BMPER: variants seen among roughly 807,000 people sequenced by gnomAD.
BMPER encodes the protein BMP binding endothelial regulator.
Under a neutral mutation model 87.3 loss-of-function variants are expected in BMPER, and 45 were observed. The observed-to-expected ratio is 0.52, with a 90% CI of 0.41 to 0.66. The LOEUF is 0.66. BMPER is among the 30% of genes least tolerant of loss of function. The probability of loss-of-function intolerance (pLI) is 0.00; values close to 1 mark genes in which losing one functional copy is unlikely to be tolerated. For synonymous variants in BMPER, 326 were observed against 316.2 expected (o/e 1.03, Z -0.33); for missense variants, 784 against 867.5 (o/e 0.90, Z 1.21).
At position 33,974,702 on chromosome 7, in the gene BMPER, G is replaced by A. The variant is rs1785639441; in HGVS notation, c.494G>A (p.Gly165Asp). 2.5e-6 allele frequency: 4 copies of A among 1,613,972 alleles called. No individual in the cohort carries two copies. Among genetic ancestry groups the A allele is most frequent in the Non-Finnish European group, 2.5e-6 (3 of 1,179,912 alleles). The part of the protein sequence containing the change: ...HLGMCCPTCP[G>D]CVFEGVQYQE... ...TTCTAAACTCTTGTCTGCTTTCCAG[G>A]CTGTGTGTTTGAGGGTGTGCAGTAT... is the stretch of plus-strand genomic sequence containing the variant. Residue 165 changes from glycine (G) to aspartate (D), a missense_variant and splice_region_variant, in exon 6 of 15, where the codon GGC becomes GAC. By Grantham distance (94) the Gly-to-Asp change is moderately conservative. Coordinates refer to ENST00000649409, the MANE Select transcript of BMPER (RefSeq NM_001365308.1).
At chr7:33,987,439 G>A (rs963952066) in intron 6 of BMPER, among the ~76,000 whole-genome samples, 5 of 152,124 alleles carry the variant, frequency 3.3e-5, no homozygotes, top group Admixed American at 2.0e-4. Context: ...CCCTTCTCAA[G>A]CCCATCTCTG....
Position 34,141,963 on chromosome 7 carries a change from T to A in BMPER, c.1746-1267T>A, listed in dbSNP as rs192736863. Among the ~76,000 whole-genome samples the A allele has an allele frequency of 1.1e-3, 173 of 152,304 alleles. 1 individual carries two copies. The highest frequency in any genetic ancestry group is 4.0e-3 in the African/African-American group (167 of 41,568). On this transcript the variant is annotated intron_variant, in intron 13 of 14. Coordinates refer to ENST00000649409, the MANE Select transcript of BMPER (RefSeq NM_001365308.1). Reference sequence around the variant, plus strand: ...CTCTCGACAATCAGTTGTGCACAGGTCCCACACCATGGGAAAATGACATTA... The same window carrying A: ...CTCTCGACAATCAGTTGTGCACAGGACCCACACCATGGGAAAATGACATTA...
At chr7:34,021,708 C>G (rs1355278786) in intron 6 of BMPER, among the ~76,000 whole-genome samples, 1 of 152,036 alleles carries the variant, frequency 6.6e-6, no homozygotes, top group African/African-American at 2.4e-5. Context: ...GGGATAGAAA[C>G]ATAAAGGATA....
At chr7:33,927,476 C>T (rs1248742367) in intron 2 of BMPER, among the ~76,000 whole-genome samples, 1 of 152,198 alleles carries the variant, frequency 6.6e-6, no homozygotes, top group East Asian at 1.9e-4. Flanking sequence ...TTCTTCTACC[C>T]TTGACAGAGA....
chr7:34,090,662 C>CT (rs1169759212), intron 13 of BMPER, among the ~76,000 whole-genome samples: 1 of 152,164 alleles, frequency 6.6e-6, no homozygotes, highest in Non-Finnish European at 1.5e-5. Flanking sequence ...CAGCAATGGG[C>CT]TTTTTCCCTA....
chr7:33,936,348 A>G (rs1032861406), intron 2 of BMPER, among the ~76,000 whole-genome samples: 1 of 151,986 alleles, frequency 6.6e-6, no homozygotes, highest in African/African-American at 2.4e-5. Flanking sequence ...ACACATTTAT[A>G]TCTTCATCTC....
At position 34,140,826 on chromosome 7, in the gene BMPER, C is replaced by T. The variant is rs377076619; in HGVS notation, c.1746-2404C>T. On this transcript the variant is annotated intron_variant, in intron 13 of 14. Coordinates refer to ENST00000649409, the MANE Select transcript of BMPER (RefSeq NM_001365308.1). ...TTTACAGAATTACAGTAGACATTCACTCAAATCCGGGGACACATTTCCTCA... is the reference window on the plus strand; with the variant it reads ...TTTACAGAATTACAGTAGACATTCATTCAAATCCGGGGACACATTTCCTCA... Among the ~76,000 whole-genome samples, 43 of 152,334 alleles carry T rather than the reference C, an allele frequency of 2.8e-4. 1 individual carries two copies. In the East Asian group the frequency reaches 3.5e-3, roughly 12 times the overall value.
intron 13 of BMPER, among the ~76,000 whole-genome samples, chr7:34,136,224 G>T (rs1790715000): frequency 6.6e-6 from 1 of 152,168 alleles, no homozygotes; most frequent in African/African-American, 2.4e-5. Flanking sequence ...CAATAAAACA[G>T]CCTCACAGTT....
At chr7:34,049,296 G>A (rs1453335061) in intron 7 of BMPER, among the ~76,000 whole-genome samples, 2 of 152,100 alleles carry the variant, frequency 1.3e-5, no homozygotes, top group Non-Finnish European at 2.9e-5. Flanking sequence ...TGAATATCAG[G>A]CACTGCTCCA....
intron 2 of BMPER, among the ~76,000 whole-genome samples, chr7:33,924,468 C>T (rs1214503707): frequency 2.6e-5 from 4 of 152,290 alleles, no homozygotes; most frequent in Admixed American, 2.0e-4. Context: ...TCCCAAAGCA[C>T]CTTCCCCTCT....
intron 13 of BMPER, among the ~76,000 whole-genome samples, chr7:34,091,247 G>A (rs997246062): frequency 2.0e-5 from 3 of 152,200 alleles, no homozygotes; most frequent in Non-Finnish European, 4.4e-5. Context: ...CAGACTTTAT[G>A]TGTTTGTGTA....
intron 13 of BMPER, among the ~76,000 whole-genome samples, chr7:34,125,398 C>A (rs1367644437): frequency 6.6e-6 from 1 of 152,168 alleles, no homozygotes; most frequent in Admixed American, 6.6e-5. Flanking sequence ...TGATCATTCC[C>A]TTTCCTGCTG....
Position 34,092,536 on chromosome 7 carries a change from C to T in BMPER, c.1745+6444C>T, listed in dbSNP as rs551567137. Reference sequence around the variant, plus strand: ...ACCTTGGCGTCACTCAGCAATTTGCCTAATAGTCGCATCCCTTTTGCCCTG... The same window carrying T: ...ACCTTGGCGTCACTCAGCAATTTGCTTAATAGTCGCATCCCTTTTGCCCTG... On this transcript the variant is annotated intron_variant, in intron 13 of 14. Coordinates refer to ENST00000649409, the MANE Select transcript of BMPER (RefSeq NM_001365308.1). Among the ~76,000 whole-genome samples the T allele has an allele frequency of 3.9e-5, 6 of 152,308 alleles. No homozygotes were observed. The East Asian group carries it at 7.7e-4, about 20-fold the overall frequency.
chr7:34,142,234 T>C (rs2127994447), intron 13 of BMPER, among the ~76,000 whole-genome samples: 1 of 152,314 alleles, frequency 6.6e-6, no homozygotes, highest in Non-Finnish European at 1.5e-5. Context: ...TGTTGTGTAG[T>C]ATAATAAAAA....
chr7:34,079,825 C>CA (rs1216881852), intron 12 of BMPER, among the ~76,000 whole-genome samples: 3 of 152,172 alleles, frequency 2.0e-5, no homozygotes, highest in African/African-American at 7.2e-5. Flanking sequence ...GCTGTAGGCT[C>CA]ACTGGTCTCT....
intron 2 of BMPER, among the ~76,000 whole-genome samples, chr7:33,923,913 G>A (rs1784295765): frequency 6.6e-6 from 1 of 152,134 alleles, no homozygotes; most frequent in Non-Finnish European, 1.5e-5. Context: ...CATACCCTGA[G>A]CAATTTTATA....
At chr7:34,136,683 G>C (rs1442548184) in intron 13 of BMPER, among the ~76,000 whole-genome samples, 1 of 152,210 alleles carries the variant, frequency 6.6e-6, no homozygotes, top group Non-Finnish European at 1.5e-5. Flanking sequence ...TGGTTTTCTT[G>C]CTATCTTCCT....
chr7:34,139,520 G>A (rs1179364800), intron 13 of BMPER, among the ~76,000 whole-genome samples: 2 of 152,128 alleles, frequency 1.3e-5, no homozygotes, highest in African/African-American at 4.8e-5. Flanking sequence ...CTGACTCTTT[G>A]GGTTTCTATT....
intron 2 of BMPER, among the ~76,000 whole-genome samples, chr7:33,917,380 C>T (rs762647941): frequency 3.9e-5 from 6 of 151,962 alleles, no homozygotes; most frequent in African/African-American, 7.3e-5. Flanking sequence ...ATGTACATGT[C>T]GTGTAGTGTA....
Sources: gnomAD v4.1 joint callset for allele counts (sites outside exome capture counted in the v4.1 genomes callset) on GRCh38, gnomAD v4.1.1 for gene constraint, MANE v1.5 for transcripts, NCBI Gene and HGNC (gene_info 2026-07-23, HGNC 2026-07-21) for gene names.